DOT1L: variants seen among roughly 807,000 people sequenced by gnomAD.
The protein encoded by DOT1L is histone-lysine N-methyltransferase, H3 lysine-79 specific.
Under a neutral mutation model 153.3 loss-of-function variants are expected in DOT1L, and 33 were observed. That is an observed-to-expected ratio of 0.22 (90% CI 0.16 to 0.29). The LOEUF (loss-of-function observed/expected upper bound fraction) is 0.29. DOT1L is among the 10% of genes least tolerant of loss of function. DOT1L has a pLI of 1.00. For synonymous variants in DOT1L, 1,135 were observed against 965.1 expected, an observed-to-expected ratio of 1.18 and a Z score of -3.26; for missense variants, 1,847 against 2,119.9, an observed-to-expected ratio of 0.87 and a Z score of 2.53.
Position 2,197,900 on chromosome 19 carries a change from G to A in DOT1L, c.652-1984G>A, listed in dbSNP as rs990475776. On this transcript the variant is annotated intron_variant, in intron 7 of 27. Coordinates refer to ENST00000398665, the MANE Select transcript of DOT1L (RefSeq NM_032482.3). This position sits in a 1 kb window ranked among gnomAD's most constrained non-coding sequence, Gnocchi z 4.1. ...TCCCTGCCCTTTCTGATGGAAACTT[G>A]CATCTGATATTGGAGGAAACCCTCG... Among the ~76,000 whole-genome samples, 9 of 152,162 alleles carry A rather than the reference G, an allele frequency of 5.9e-5. No individual in the cohort carries two copies. The highest frequency in any genetic ancestry group is 5.2e-4 in the Admixed American group (8 of 15,284).
intron 12 of DOT1L, among the ~76,000 whole-genome samples, chr19:2,209,227 C>G (rs905686162): frequency 2.0e-5 from 3 of 152,088 alleles, no homozygotes; most frequent in African/African-American, 7.2e-5. Context: ...TCTCACCATT[C>G]AATCTCTCTC....
chr19:2,189,453 C>T (rs75642860), intron 3 of DOT1L, among the ~76,000 whole-genome samples: 3,468 of 152,340 alleles, frequency 0.023, 142 homozygotes, highest in African/African-American at 0.08. Flanking sequence ...ACGTGGACCT[C>T]GGCTTTGCGC....
chr19:2,216,753 A>C lies in DOT1L; in HGVS notation c.2396A>C (p.Glu799Ala), dbSNP rs2023919211. Residue 799 changes from glutamate (E) to alanine (A), a missense_variant, in exon 20 of 28, where the codon GAG becomes GCG. This residue lies in a region of DOT1L where 281 missense variants were observed against 263.6 expected (regional missense o/e 1.07). Transcript: ENST00000398665. ...GTGCCCGGCAGGCCGGCTGCCAGTG[A>C]GCTGCATTCGAGGTGAGTGCCCTGG... ...HTVPGRPAAS[E>A]LHSRAEHTKE... 6.3e-7 allele frequency: 1 copy of C among 1,592,300 alleles called. No homozygotes were observed. Among genetic ancestry groups the C allele is most frequent in the South Asian group, 1.1e-5 (1 of 90,558 alleles).
chr19:2,223,569 G>A (rs1248336915), intron 25 of DOT1L, 83 bp downstream of exon 25: 1 of 328,130 alleles, frequency 3.0e-6, no homozygotes, highest in Non-Finnish European at 6.0e-6. Flanking sequence ...TGGGTGGGTG[G>A]GTGGGGAGGA....
chr19:2,216,203 G>C, intron 19 of DOT1L, 78 bp from the exon 20 acceptor site: 2 of 1,496,884 alleles, frequency 1.3e-6, no homozygotes, highest in Non-Finnish European at 1.8e-6. Context: ...ACCCCTCCGG[G>C]TGTCCATCTG....
chr19:2,213,516 C>T (rs2023785184), intron 16 of DOT1L, 23 bp from the exon 17 acceptor site: 10 of 1,610,712 alleles, frequency 6.2e-6, no homozygotes, highest in Non-Finnish European at 8.5e-6. Flanking sequence ...GGCCCTTAGT[C>T]ACCTGCCCTG....
rs542671658 is a variant in DOT1L at position 2,230,807 on chromosome 19, A to C, written c.*1015A>C. On this transcript the variant is annotated 3_prime_UTR_variant, in exon 28 of 28. Coordinates refer to ENST00000398665, the MANE Select transcript of DOT1L (RefSeq NM_032482.3). ...TGGCCCCAGCGTCAGCCCCGACCCT[A>C]GACCCCTCAGTTGCAGCTCCCAGCA... 1 of 380,522 alleles carries C rather than the reference A, an allele frequency of 2.6e-6. No homozygotes were observed. Among genetic ancestry groups the C allele is most frequent in the African/African-American group, 2.1e-5 (1 of 48,340 alleles). The allele number at this position is 380,522 out of a possible 1,614,324, so 23.6% of individuals were successfully genotyped here. A position where few individuals can be genotyped will look rare whatever the true frequency, so the allele number is the denominator to read the frequency against.
chr19:2,202,642 G>A (rs926071676), intron 8 of DOT1L, 58 bp from the exon 9 acceptor site: 29 of 1,552,668 alleles, frequency 1.9e-5, no homozygotes, highest in Non-Finnish European at 2.6e-5. Flanking sequence ...GGCTGCGCCG[G>A]GTGGCTGTGC....
intron 5 of DOT1L, among the ~76,000 whole-genome samples, chr19:2,192,914 G>A (rs1007638011): frequency 2.0e-5 from 3 of 152,206 alleles, no homozygotes; most frequent in Non-Finnish European, 4.4e-5. Context: ...CTTGCTGGCC[G>A]GGCCCTGGCC....
At chr19:2,224,648 T>C (rs1048147677) in intron 25 of DOT1L, among the ~76,000 whole-genome samples, 1 of 152,046 alleles carries the variant, frequency 6.6e-6, no homozygotes, top group African/African-American at 2.4e-5. Flanking sequence ...TTTTTTGTTT[T>C]ATAGAGATCG....
Position 2,230,415 on chromosome 19 carries a change from C to T in DOT1L, c.*623C>T, listed in dbSNP as rs963122152. 3.0e-5 allele frequency: 12 copies of T among 400,264 alleles called. No individual in the cohort carries two copies. The highest frequency in any genetic ancestry group is 8.7e-5 in the Admixed American group (2 of 22,966). The allele number at this position is 400,264 out of a possible 1,614,324, so 24.8% of individuals were successfully genotyped here. On this transcript the variant is annotated 3_prime_UTR_variant, in exon 28 of 28. Transcript: ENST00000398665. ...CACTGTGAACCCCCAGACTGTTCAC[C>T]CTCCGGGGCGTGGGTTGCGCCCTTG...
intron 8 of DOT1L, among the ~76,000 whole-genome samples, chr19:2,201,125 T>C (rs1599577174): frequency 8.8e-6 from 1 of 113,172 alleles, no homozygotes; most frequent in Non-Finnish European, 1.8e-5. Context: ...CTCCCCGCAT[T>C]CCTCGTCCTC....
intron 3 of DOT1L, among the ~76,000 whole-genome samples, chr19:2,189,358 T>C (rs146721164): frequency 1.0e-3 from 153 of 152,284 alleles, no homozygotes; most frequent in Non-Finnish European, 1.8e-3. Context: ...AGGAAGACCC[T>C]CTAAGGCCGG....
Position 2,211,119 on chromosome 19 carries a change from A to G in DOT1L, c.1372A>G (p.Ser458Gly), listed in dbSNP as rs1156919758. Residue 458 changes from serine to glycine, a missense_variant, in exon 15 of 28, where the codon AGC (serine) becomes GGC (glycine). By Grantham distance (56) the Ser-to-Gly change is moderately conservative (BLOSUM62 0). Around this residue, in one of 8 missense-constraint regions of DOT1L, gnomAD observed 205 missense variants for 203.1 expected, o/e 1.01. Coordinates refer to ENST00000398665, the MANE Select transcript of DOT1L (RefSeq NM_032482.3). Reference sequence around the variant, plus strand: ...CCCAGATGCCTACAGATCCCCTCACAGCCCGTTCTACCAGCTACCTCCGAG... The same window carrying G: ...CCCAGATGCCTACAGATCCCCTCACGGCCCGTTCTACCAGCTACCTCCGAG... ...SPQDAYRSPH[S>G]PFYQLPPSVQ... 2 of 1,612,934 alleles carry G rather than the reference A, an allele frequency of 1.2e-6. No individual in the cohort carries two copies. Among genetic ancestry groups the G allele is most frequent in the Non-Finnish European group, 1.7e-6 (2 of 1,179,728 alleles).
chr19:2,165,831 C>T (rs957915109), intron 1 of DOT1L, among the ~76,000 whole-genome samples: 2 of 151,284 alleles, frequency 1.3e-5, no homozygotes, highest in African/African-American at 4.9e-5. Context: ...TGCAGCGGCG[C>T]GATCTCGGCT....
intron 1 of DOT1L, among the ~76,000 whole-genome samples, 197 bp from the exon 2 acceptor site, chr19:2,180,516 G>A (rs3810409): frequency 0.042 from 6,453 of 152,132 alleles, 204 homozygotes; most frequent in East Asian, 0.13. Flanking sequence ...ATAGGTCCCC[G>A]GCAAGGTCTG....
chr19:2,200,148 G>A (rs375093871), intron 8 of DOT1L, among the ~76,000 whole-genome samples: 14 of 152,218 alleles, frequency 9.2e-5, no homozygotes, highest in East Asian at 7.8e-4. Flanking sequence ...AGCCCCTGTC[G>A]GCCCTGCAGA....
Position 2,220,350 on chromosome 19 carries a change from G to T in DOT1L, c.2806+128G>T. 1.1e-6 allele frequency: 1 copy of T among 904,206 alleles called. No individual in the cohort carries two copies. Among genetic ancestry groups the T allele is most frequent in the East Asian group, 2.6e-5 (1 of 38,018 alleles). 56.0% of individuals were successfully genotyped at this position (904,206 alleles called of 1,614,324 possible). On this transcript the variant is annotated intron_variant, in intron 23 of 27. Coordinates refer to ENST00000398665, the MANE Select transcript of DOT1L (RefSeq NM_032482.3). This position sits in a 1 kb window ranked among gnomAD's most constrained non-coding sequence, Gnocchi z 4.5. ...ATCATGGGGGCTGCTGCCCCAAACC[G>T]CCACGCCTCATTACTGACACCCTTT...
chr19:2,164,247 G>T lies in DOT1L; in HGVS notation c.63G>T (p.Pro21=). 1 of 1,247,764 alleles carries T rather than the reference G, an allele frequency of 8.0e-7. No homozygotes were observed. The highest frequency in any genetic ancestry group is 1.0e-6 in the Non-Finnish European group (1 of 989,844). 77.3% of individuals were successfully genotyped at this position (1,247,764 alleles called of 1,614,324 possible). A position where few individuals can be genotyped will look rare whatever the true frequency, so the allele number is the denominator to read the frequency against. ...TGGGGGCTGAGCCCGCCGTCTACCC[G>T]TGGCCGCTGCCGGTCTACGTGAGTG... ...SPVGAEPAVY[P]WPLPVYDKHH... The change falls in exon 1 of 28, where the codon CCG becomes CCT. Residue 21 remains proline, a synonymous_variant. Coordinates refer to ENST00000398665, the MANE Select transcript of DOT1L (RefSeq NM_032482.3).
Sources: allele counts gnomAD v4.1 joint callset (sites outside exome capture counted in the v4.1 genomes callset), GRCh38; gene constraint gnomAD v4.1.1; regional missense constraint gnomAD v4.1.1; non-coding constraint Gnocchi (gnomAD v3.1); transcripts MANE v1.5; gene names NCBI Gene and HGNC (gene_info 2026-07-23, HGNC 2026-07-21).